The following COP1 variants were observed in gnomAD, a reference collection of about 807,000 sequenced individuals.
COP1 encodes the protein COP1 E3 ubiquitin ligase.
COP1 carries 24 observed loss-of-function variants against 101.3 expected under a neutral mutation model. That is an observed-to-expected ratio of 0.24 (90% confidence interval 0.17 to 0.33). The LOEUF is 0.33. Ranked by LOEUF, COP1 falls within the 10% of genes least tolerant of loss-of-function variation. The pLI is 1.00. For synonymous variants in COP1, 347 were observed against 341.9 expected (o/e 1.01, Z -0.17); for missense variants, 663 against 906.2 (o/e 0.73, Z 3.45).
chr1:176,046,111 A>C, intron 12 of COP1, 70 bp downstream of exon 12: 2 of 1,257,796 alleles, frequency 1.6e-6, no homozygotes, highest in East Asian at 2.3e-5. Flanking sequence ...AGGTAAAATA[A>C]TCTCATGATA....
intron 8 of COP1, among the ~76,000 whole-genome samples, chr1:176,117,563 A>G (rs1307746068): frequency 6.6e-6 from 1 of 152,202 alleles, no homozygotes; most frequent in Admixed American, 6.5e-5. Flanking sequence ...ATAAACGATT[A>G]TTTACTTTTT....
intron 18 of COP1, among the ~76,000 whole-genome samples, chr1:175,958,378 T>G (rs1003072248): frequency 2.0e-5 from 3 of 150,516 alleles, no homozygotes; most frequent in African/African-American, 7.3e-5. Flanking sequence ...ACCATTCAGG[T>G]ATAATATCAA....
At chr1:176,148,334 A>G (rs1002055052) in intron 6 of COP1, among the ~76,000 whole-genome samples, 1 of 152,114 alleles carries the variant, frequency 6.6e-6, no homozygotes, top group African/African-American at 2.4e-5. Context: ...ATGAGTAAAA[A>G]GTATCCTAAT....
chr1:176,030,824 G>C (rs1668536729), intron 14 of COP1, among the ~76,000 whole-genome samples: 1 of 152,168 alleles, frequency 6.6e-6, no homozygotes, highest in Non-Finnish European at 1.5e-5. Context: ...CCAGGTACTT[G>C]TGAACATCAC....
chr1:175,961,891 T>C (rs1390963617), intron 18 of COP1, among the ~76,000 whole-genome samples: 1 of 148,884 alleles, frequency 6.7e-6, no homozygotes, highest in African/African-American at 2.5e-5. Flanking sequence ...GACACGGTCA[T>C]GCACATGGAA....
chr1:176,199,064 T>C (rs751567267), intron 1 of COP1, among the ~76,000 whole-genome samples: 2 of 152,152 alleles, frequency 1.3e-5, no homozygotes, highest in East Asian at 1.9e-4. Flanking sequence ...ACACCTGTAA[T>C]CCCAGCACTT....
chr1:176,145,987 C>T (rs1691533946), intron 6 of COP1, among the ~76,000 whole-genome samples: 3 of 152,114 alleles, frequency 2.0e-5, no homozygotes, highest in Non-Finnish European at 4.4e-5. Context: ...ATTCTTTAAA[C>T]TATAAATTTG....
intron 1 of COP1, 26 bp from the exon 2 acceptor site, chr1:176,184,718 T>A (rs1243769254): frequency 2.0e-6 from 3 of 1,495,416 alleles, no homozygotes; most frequent in Non-Finnish European, 2.8e-6. Context: ...AAATAATTGA[T>A]TTTTTTTTAA....
intron 9 of COP1, among the ~76,000 whole-genome samples, chr1:176,093,161 T>C (rs897854306): frequency 6.6e-6 from 1 of 152,158 alleles, no homozygotes; most frequent in Non-Finnish European, 1.5e-5. Context: ...GTCAACATAT[T>C]GATAAACATA....
intron 8 of COP1, among the ~76,000 whole-genome samples, chr1:176,128,421 C>T (rs183675270): frequency 3.9e-5 from 6 of 151,978 alleles, no homozygotes; most frequent in African/African-American, 1.4e-4. Context: ...ATCAAGATTC[C>T]TTAAGATTCT....
At chr1:176,177,176 T>C (rs531012956) in intron 2 of COP1, among the ~76,000 whole-genome samples, 3 of 152,076 alleles carry the variant, frequency 2.0e-5, no homozygotes, top group Admixed American at 2.0e-4. Context: ...AATAAACTAC[T>C]CATAGTTATT....
At chr1:176,074,803 A>T (rs1677683213) in intron 11 of COP1, among the ~76,000 whole-genome samples, 1 of 152,064 alleles carries the variant, frequency 6.6e-6, no homozygotes, top group Admixed American at 6.5e-5. Context: ...AAAAAAAAAA[A>T]AAAGATTATT....
At chr1:176,201,365 G>A (rs1700241376) in intron 1 of COP1, among the ~76,000 whole-genome samples, 1 of 151,928 alleles carries the variant, frequency 6.6e-6, no homozygotes, top group Non-Finnish European at 1.5e-5. Flanking sequence ...AGGGTAGCAG[G>A]TTAAAATAAT....
chr1:175,993,779 G>C (rs985823702), intron 15 of COP1, among the ~76,000 whole-genome samples: 3 of 152,206 alleles, frequency 2.0e-5, no homozygotes, highest in Admixed American at 6.5e-5. Context: ...TGGTGTACCT[G>C]AAAGTGATGG....
chr1:176,157,339 A>T (rs1429235981), intron 5 of COP1, among the ~76,000 whole-genome samples: 1 of 152,230 alleles, frequency 6.6e-6, no homozygotes, highest in African/African-American at 2.4e-5. Flanking sequence ...CAATGAAATC[A>T]CAATCAATTT....
chr1:175,959,745 A>AAGT (rs1481960060), intron 18 of COP1, among the ~76,000 whole-genome samples: 1 of 152,136 alleles, frequency 6.6e-6, no homozygotes, highest in Non-Finnish European at 1.5e-5. Flanking sequence ...CACAGTACAA[A>AAGT]AGAGTAGGGG....
intron 16 of COP1, 151 bp downstream of exon 16, chr1:175,989,211 T>C (rs1315996107): frequency 8.2e-6 from 4 of 488,536 alleles, no homozygotes; most frequent in African/African-American, 3.8e-5. Context: ...ACTACTTTAA[T>C]TGGACAAGAT....
At chr1:176,176,110 A>G (rs554713476) in intron 2 of COP1, 103 bp from the exon 3 acceptor site, 5 of 614,602 alleles carry the variant, frequency 8.1e-6, no homozygotes, top group African/African-American at 5.7e-5. Context: ...CATTTTCAAC[A>G]TAACTAATCT....
chr1:176,196,041 C>T (rs542847306), intron 1 of COP1, among the ~76,000 whole-genome samples: 17 of 152,100 alleles, frequency 1.1e-4, no homozygotes, highest in African/African-American at 2.4e-4. Flanking sequence ...CTGAATAATC[C>T]ATGTTTCAAA....
Sources: gnomAD v4.1 joint callset for allele counts (sites outside exome capture counted in the v4.1 genomes callset) on GRCh38, gnomAD v4.1.1 for gene constraint, MANE v1.5 for transcripts, NCBI Gene and HGNC (gene_info 2026-07-23, HGNC 2026-07-21) for gene names.